Variants in PIEZO2 observed in about 807,000 individuals in gnomAD.
PIEZO2 encodes the protein piezo-type mechanosensitive ion channel component 2.
In PIEZO2, 172 loss-of-function variants were observed where a neutral mutation model predicts 337.3. That is an observed-to-expected ratio of 0.51 (90% confidence interval 0.45 to 0.58). The LOEUF is 0.58. Ranked by LOEUF, PIEZO2 falls within the 20% of genes least tolerant of loss-of-function variation. PIEZO2 has a pLI of 0.00. For missense variants in PIEZO2, 3,028 were observed against 3,391.3 expected (o/e 0.89, Z 2.66); for synonymous variants, 1,251 against 1,228.5 (o/e 1.02, Z -0.38).
rs756560392 is a variant in PIEZO2, at chr18:11,031,478, T to A, written c.160+34649A>T. On this transcript the variant is annotated intron_variant, in intron 2 of 55. Coordinates refer to ENST00000674853, the MANE Select transcript of PIEZO2 (RefSeq NM_001378183.1). This position sits in a 1 kb window ranked among gnomAD's most constrained non-coding sequence, Gnocchi z 4.7. ...AGTGTTTTCATTTTGGTTTAGTTAT[T>A]TCTTCAAAATAGCTGAATTTTATAA... 6.6e-6 allele frequency among the ~76,000 whole-genome samples: 1 copy of A among 152,246 alleles called. No individual in the cohort carries two copies. The highest frequency in any genetic ancestry group is 2.4e-5 in the African/African-American group (1 of 41,466).
Position 10,954,934 on chromosome 18 carries a change from C to G in PIEZO2, c.286+24601G>C, listed in dbSNP as rs74255531. ...TCTGGGTTCATTAAAATTATTCTTG[C>G]ACTTTAGATAATACATCAAAAATTG... is the stretch of plus-strand genomic sequence containing the variant. On this transcript the variant is annotated intron_variant, in intron 3 of 55. Transcript: ENST00000674853. The surrounding 1 kb of genome is among the most constrained non-coding windows in gnomAD (Gnocchi z 4.2). 9.4e-3 allele frequency among the ~76,000 whole-genome samples: 1,426 copies of G among 152,198 alleles called. 46 individuals carry two copies. Among genetic ancestry groups the G allele is most frequent in the Admixed American group, 0.068 (1,034 of 15,288 alleles).
chr18:10,891,812 T>C (rs1286343162), intron 4 of PIEZO2, among the ~76,000 whole-genome samples: 1 of 152,250 alleles, frequency 6.6e-6, no homozygotes, highest in Non-Finnish European at 1.5e-5. Context: ...GCTCTGAGTT[T>C]TTAACTGTCA....
chr18:11,049,419 C>T (rs2037438826), intron 2 of PIEZO2, among the ~76,000 whole-genome samples: 1 of 152,138 alleles, frequency 6.6e-6, no homozygotes, highest in African/African-American at 2.4e-5. Context: ...GAGCAGACAC[C>T]AGGTAACGTT....
chr18:11,132,453 G>A lies in PIEZO2; in HGVS notation c.64+16072C>T, dbSNP rs2040367433. The stretch of plus-strand genomic sequence containing the variant: ...GGTAACAGTACTTTGCAGGGCTGGG[G>A]CAAAGTTCTCCAGAAGGCCGTGTAT... On this transcript the variant is annotated intron_variant, in intron 1 of 55. Transcript: ENST00000674853. This position sits in a 1 kb window ranked among gnomAD's most constrained non-coding sequence, Gnocchi z 4.7. Among the ~76,000 whole-genome samples the A allele has an allele frequency of 1.3e-5, 2 of 152,138 alleles. No homozygotes were observed. The highest frequency in any genetic ancestry group is 6.5e-5 in the Admixed American group (1 of 15,278).
intron 3 of PIEZO2, among the ~76,000 whole-genome samples, chr18:10,975,367 GA>G (rs2034403224): frequency 6.6e-6 from 1 of 152,094 alleles, no homozygotes; most frequent in Admixed American, 6.6e-5. Context: ...TTGGTGGAAT[GA>G]AAATATTTTA....
intron 1 of PIEZO2, among the ~76,000 whole-genome samples, chr18:11,086,095 C>T (rs2038900658): frequency 1.3e-5 from 2 of 151,998 alleles, no homozygotes; most frequent in African/African-American, 4.8e-5. Context: ...TAATGGCATA[C>T]AAAGAATTTT....
At chr18:11,084,176 C>CAAAAAAA (rs1161713844) in intron 1 of PIEZO2, among the ~76,000 whole-genome samples, 2 of 64,792 alleles carry the variant, frequency 3.1e-5, no homozygotes, top group African/African-American at 9.6e-5. Flanking sequence ...AACTCTGTCT[C>CAAAAAAA]AAAAAAAAAA....
rs1464418894 is a variant in PIEZO2 at position 10,746,748 on chromosome 18, G to A, written c.4424+1723C>T. Among the ~76,000 whole-genome samples the A allele has an allele frequency of 6.6e-6, 1 of 152,206 alleles. No homozygotes were observed. The highest frequency in any genetic ancestry group is 2.4e-5 in the African/African-American group (1 of 41,462). ...CTTGCCCCTTCCACCAAAATAGGAT[G>A]CAGTGGGAAGATGGCCATCTATGAG... On this transcript the variant is annotated intron_variant, in intron 30 of 55. Coordinates refer to ENST00000674853, the MANE Select transcript of PIEZO2 (RefSeq NM_001378183.1). This position sits in a 1 kb window ranked among gnomAD's most constrained non-coding sequence, Gnocchi z 4.2.
At position 11,097,778 on chromosome 18, in the gene PIEZO2, T is replaced by C. The variant is rs2039301142; in HGVS notation, c.65-31556A>G. 6.6e-6 allele frequency among the ~76,000 whole-genome samples: 1 copy of C among 152,248 alleles called. No individual in the cohort carries two copies. The highest frequency in any genetic ancestry group is 1.5e-5 in the Non-Finnish European group (1 of 68,036). On this transcript the variant is annotated intron_variant, in intron 1 of 55. Coordinates refer to ENST00000674853, the MANE Select transcript of PIEZO2 (RefSeq NM_001378183.1). This position sits in a 1 kb window ranked among gnomAD's most constrained non-coding sequence, Gnocchi z 5.0. ...GAAATACTGTTGTATGGTAGATATA[T>C]ATTCCTAAATCAGAAAAAGTCTACC... is the stretch of plus-strand genomic sequence containing the variant.
At chr18:10,996,769 A>G (rs1045937786) in intron 2 of PIEZO2, among the ~76,000 whole-genome samples, 1 of 152,182 alleles carries the variant, frequency 6.6e-6, no homozygotes. Flanking sequence ...TGCTGTGATC[A>G]TGCACATACA....
chr18:10,721,805 C>T (rs756772320), intron 36 of PIEZO2, among the ~76,000 whole-genome samples: 9 of 152,022 alleles, frequency 5.9e-5, no homozygotes, highest in Admixed American at 3.3e-4. Context: ...ACTGGAATAA[C>T]GTAATTGTCT....
At chr18:10,704,291 G>T in intron 42 of PIEZO2, 103 bp downstream of exon 42, 1 of 1,401,256 alleles carries the variant, frequency 7.1e-7, no homozygotes, top group Non-Finnish European at 9.4e-7. Flanking sequence ...AACTGTCTGG[G>T]ATCAGGGCAG....
Position 11,077,229 on chromosome 18 carries a change from T to C in PIEZO2, c.65-11007A>G, listed in dbSNP as rs987255647. ...AATAATTAGGGGGCCAACTGGGAGC[T>C]AAGAAAAGGTCAAATATTAAAACTG... On this transcript the variant is annotated intron_variant, in intron 1 of 55. Transcript: ENST00000674853. This position sits in a 1 kb window ranked among gnomAD's most constrained non-coding sequence, Gnocchi z 4.8. Among the ~76,000 whole-genome samples the C allele has an allele frequency of 6.6e-6, 1 of 152,198 alleles. No homozygotes were observed. The highest frequency in any genetic ancestry group is 2.4e-5 in the African/African-American group (1 of 41,448).
In PIEZO2 at chr18:11,143,078, C is replaced by CA. The variant is rs1006090005; in HGVS notation, c.64+5446dup. ...TGGGTGACAGAGCAAGACTCCGTCTCAAAAAAAAGAAAAAAGAAAAAGAAA... is the reference window on the plus strand; with the variant it reads ...TGGGTGACAGAGCAAGACTCCGTCTCAAAAAAAAAGAAAAAAGAAAAAGAAA... On this transcript the variant is annotated intron_variant, in intron 1 of 55. Coordinates refer to ENST00000674853, the MANE Select transcript of PIEZO2 (RefSeq NM_001378183.1). This position sits in a 1 kb window ranked among gnomAD's most constrained non-coding sequence, Gnocchi z 4.9. 2.7e-5 allele frequency among the ~76,000 whole-genome samples: 4 copies of CA among 150,492 alleles called. No homozygotes were observed. The highest frequency in any genetic ancestry group is 7.3e-5 in the African/African-American group (3 of 41,066).
chr18:11,051,431 T>C (rs1027758610), intron 2 of PIEZO2, among the ~76,000 whole-genome samples: 2 of 151,958 alleles, frequency 1.3e-5, no homozygotes, highest in African/African-American at 4.8e-5. Context: ...TAGATGATGA[T>C]TCTTCTAAAA....
chr18:10,697,954 A>T, intron 44 of PIEZO2, 74 bp from the exon 45 acceptor site: 2 of 1,516,874 alleles, frequency 1.3e-6, no homozygotes, highest in Non-Finnish European at 1.8e-6. Flanking sequence ...AAGAAGCAGA[A>T]CCCAGAGCCC....
intron 27 of PIEZO2, among the ~76,000 whole-genome samples, chr18:10,755,598 C>T (rs1052811362): frequency 6.6e-5 from 10 of 152,142 alleles, no homozygotes; most frequent in African/African-American, 2.4e-4. Flanking sequence ...ATGGTGAATG[C>T]ATGGTGAGAG....
chr18:10,986,985 G>A (rs1171086128), intron 2 of PIEZO2, among the ~76,000 whole-genome samples: 2 of 151,832 alleles, frequency 1.3e-5, no homozygotes, highest in African/African-American at 2.4e-5. Flanking sequence ...CAAATACTTA[G>A]GTGTAAATTT....
rs371431846 is a variant in PIEZO2 at position 10,705,483 on chromosome 18, T to C, written c.5852A>G (p.Glu1951Gly). 423 of 1,537,256 alleles carry C rather than the reference T, an allele frequency of 2.8e-4. No homozygotes were observed. The highest frequency in any genetic ancestry group is 3.4e-4 in the Non-Finnish European group (390 of 1,146,924). The change falls in exon 41 of 56, where the codon GAG becomes GGG. Residue 1951 changes from glutamate (E) to glycine (G), a missense_variant. Around this residue, in one of 5 missense-constraint regions of PIEZO2, gnomAD observed 1,925 missense variants for 2,051.9 expected, o/e 0.94. Transcript: ENST00000674853. ...PPSYSKAVSF[E>G]HLSFGSQDDS... ...GTCCTGCGAGCCGAAGGACAGATGC[T>C]CGAAGCTCACAGCCTTGCTGTAGGA...
Sources: gnomAD v4.1 joint callset for allele counts (sites outside exome capture counted in the v4.1 genomes callset) on GRCh38, gnomAD v4.1.1 for gene constraint, gnomAD v4.1.1 regional missense constraint, Gnocchi (gnomAD v3.1) non-coding constraint, MANE v1.5 for transcripts, NCBI Gene and HGNC (gene_info 2026-07-23, HGNC 2026-07-21) for gene names.